Variants in ATP6V1H observed in about 807,000 individuals in gnomAD.
The protein encoded by ATP6V1H is ATPase H+ transporting V1 subunit H, also known as V-type proton ATPase subunit H.
ATP6V1H carries 39 observed loss-of-function variants against 71.7 expected under a neutral mutation model. The observed-to-expected ratio is 0.54, with a 90% confidence interval of 0.42 to 0.71. The LOEUF (loss-of-function observed/expected upper bound fraction) is 0.71, where lower values mean the gene tolerates loss of function less well. ATP6V1H is among the 30% of genes least tolerant of loss of function. The pLI, the probability that ATP6V1H is intolerant of heterozygous loss-of-function variation, is 0.00. For missense variants in ATP6V1H, 509 were observed against 594.9 expected (o/e 0.86, Z 1.50); for synonymous variants, 192 against 199.3 (o/e 0.96, Z 0.31).
chr8:53,736,836 T>C (rs1274718942), intron 13 of ATP6V1H, among the ~76,000 whole-genome samples: 1 of 152,146 alleles, frequency 6.6e-6, no homozygotes, highest in Non-Finnish European at 1.5e-5. Flanking sequence ...GAAGTAAAAG[T>C]TAAAGAAAGG....
At chr8:53,800,188 A>G (rs1809863098) in intron 8 of ATP6V1H, among the ~76,000 whole-genome samples, 1 of 152,190 alleles carries the variant, frequency 6.6e-6, no homozygotes, top group Non-Finnish European at 1.5e-5. Flanking sequence ...AGAGAGCATA[A>G]GGGAGCCTGC....
intron 4 of ATP6V1H, among the ~76,000 whole-genome samples, chr8:53,817,965 AT>A (rs1306190876): frequency 2.6e-5 from 4 of 152,218 alleles, no homozygotes; most frequent in Non-Finnish European, 2.9e-5. Flanking sequence ...GAAACAGGGA[AT>A]TAAATGAATC....
chr8:53,774,127 C>A (rs9643820), intron 9 of ATP6V1H, among the ~76,000 whole-genome samples: 16,315 of 152,158 alleles, frequency 0.11, 1,319 homozygotes, highest in East Asian at 0.37. Context: ...ATAATGGCTG[C>A]AAGTTTCCCA....
chr8:53,824,325 T>C (rs925813820), intron 4 of ATP6V1H, among the ~76,000 whole-genome samples: 4 of 152,146 alleles, frequency 2.6e-5, no homozygotes, highest in African/African-American at 9.7e-5. Context: ...GCTAAATAAA[T>C]TGTTGCAAAG....
At chr8:53,761,085 C>CCA (rs1808256535) in intron 11 of ATP6V1H, among the ~76,000 whole-genome samples, 2 of 151,982 alleles carry the variant, frequency 1.3e-5, no homozygotes, top group Non-Finnish European at 1.5e-5. Context: ...GCCTGTAATC[C>CCA]CAGCACTTTG....
In ATP6V1H at chr8:53,715,933, A is replaced by T; in HGVS notation, c.*31T>A. The T allele has an allele frequency of 6.2e-7, 1 of 1,601,942 alleles. No individual in the cohort carries two copies. Among genetic ancestry groups the T allele is most frequent in the Non-Finnish European group, 8.5e-7 (1 of 1,173,664 alleles). ...ACAGTGCTCCCACTACTGGTTCTGC[A>T]TTGAGGCGGAGGGGAAGGCCAGAGG... On this transcript the variant is annotated 3_prime_UTR_variant, in exon 14 of 14. Transcript: ENST00000359530.
intron 9 of ATP6V1H, among the ~76,000 whole-genome samples, chr8:53,776,369 GCTC>G (rs1395716564): frequency 2.0e-5 from 3 of 152,230 alleles, no homozygotes; most frequent in East Asian, 1.9e-4. Flanking sequence ...GGGCTGAAGG[GCTC>G]CTCAAGTGCC....
chr8:53,763,469 G>C (rs144303279), intron 11 of ATP6V1H, among the ~76,000 whole-genome samples: 43 of 152,252 alleles, frequency 2.8e-4, no homozygotes, highest in African/African-American at 1.0e-3. Context: ...AACATCCCAG[G>C]TTCATGGATC....
rs369225692 is a variant in ATP6V1H at position 53,752,867 on chromosome 8, A to G, written c.1277+3688T>C. Among the ~76,000 whole-genome samples the G allele has an allele frequency of 2.8e-4, 43 of 152,344 alleles. 1 individual carries two copies. In the South Asian group the frequency reaches 8.7e-3, roughly 31 times the overall value. ...ACCCAGCGATCCTTTCTTATGACTC[A>G]ATAAGTCTATTCTAGATAACCTGGT... is the stretch of plus-strand genomic sequence containing the variant. On this transcript the variant is annotated intron_variant, in intron 12 of 13. Transcript: ENST00000359530.
chr8:53,795,864 AC>A (rs1563470711), intron 8 of ATP6V1H, 25 bp from the exon 9 acceptor site: 2 of 1,569,978 alleles, frequency 1.3e-6, no homozygotes, highest in Non-Finnish European at 1.7e-6. Context: ...AACAAAAAAA[AC>A]ACATTTACAA....
At chr8:53,841,821 C>G (rs1811352203) in intron 1 of ATP6V1H, 96 bp from the exon 2 acceptor site, 1 of 1,154,018 alleles carries the variant, frequency 8.7e-7, no homozygotes, top group African/African-American at 1.6e-5. Flanking sequence ...TCACTTTAAT[C>G]TCCCCAGGCA....
chr8:53,779,363 A>C (rs1475040396), intron 9 of ATP6V1H, among the ~76,000 whole-genome samples: 4 of 152,058 alleles, frequency 2.6e-5, no homozygotes, highest in Admixed American at 2.6e-4. Context: ...AAGCTTAAAA[A>C]GACCAGTAAC....
chr8:53,791,431 G>A (rs2130398734), intron 9 of ATP6V1H, among the ~76,000 whole-genome samples: 1 of 152,274 alleles, frequency 6.6e-6, no homozygotes, highest in East Asian at 1.9e-4. Context: ...CACAGAACAA[G>A]TCTGTGCCTT....
chr8:53,722,367 C>T (rs550412527), intron 13 of ATP6V1H, among the ~76,000 whole-genome samples: 1 of 152,214 alleles, frequency 6.6e-6, no homozygotes, highest in Non-Finnish European at 1.5e-5. Context: ...TAATCAAAAG[C>T]AGCCTGCACA....
Position 53,795,853 on chromosome 8 carries a change from A to G in ATP6V1H, c.678-14T>C. The G allele has an allele frequency of 6.4e-7, 1 of 1,572,774 alleles. No individual in the cohort carries two copies. The highest frequency in any genetic ancestry group is 8.6e-7 in the Non-Finnish European group (1 of 1,164,576). On this transcript the variant is annotated splice_polypyrimidine_tract_variant and intron_variant, in intron 8 of 13. Transcript: ENST00000359530. ...ACTCCCATTATGCTGAAAAACAAAC[A>G]AACAAAAAAAACACATTTACAAAAC...
chr8:53,840,423 G>A (rs771532458), intron 2 of ATP6V1H, among the ~76,000 whole-genome samples: 8 of 151,958 alleles, frequency 5.3e-5, no homozygotes, highest in Non-Finnish European at 8.8e-5. Flanking sequence ...GCTTGAACCC[G>A]GGAGGCGGAG....
At chr8:53,792,623 T>C (rs1374718296) in intron 9 of ATP6V1H, among the ~76,000 whole-genome samples, 2 of 152,186 alleles carry the variant, frequency 1.3e-5, no homozygotes, top group South Asian at 2.1e-4. Context: ...AAAAAGGAGA[T>C]AGCAGGGTGG....
At chr8:53,839,987 C>T in intron 2 of ATP6V1H, 1 of 891,902 alleles carries the variant, frequency 1.1e-6, no homozygotes, top group Non-Finnish European at 1.3e-6. Context: ...ATGTATGACT[C>T]CCACCCAGTG....
At chr8:53,824,609 G>A (rs1045971918) in intron 4 of ATP6V1H, among the ~76,000 whole-genome samples, 1 of 151,946 alleles carries the variant, frequency 6.6e-6, no homozygotes, top group Admixed American at 6.6e-5. Flanking sequence ...TATATCTAAG[G>A]AGAGGGGAAA....
Sources: gnomAD v4.1 joint callset for allele counts (sites outside exome capture counted in the v4.1 genomes callset) on GRCh38, gnomAD v4.1.1 for gene constraint, MANE v1.5 for transcripts, NCBI Gene and HGNC (gene_info 2026-07-23, HGNC 2026-07-21) for gene names.